The following RNF10 variants were observed in gnomAD, a reference collection of about 807,000 sequenced individuals.
RNF10 encodes ring finger protein 10.
Under a neutral mutation model 91.4 loss-of-function variants are expected in RNF10, and 38 were observed. The observed-to-expected ratio is 0.42, with a 90% CI of 0.32 to 0.54. The LOEUF is 0.54. RNF10 is among the 20% of genes least tolerant of loss of function. The pLI is 0.16. For synonymous variants in RNF10, 364 were observed against 366.3 expected (o/e 0.99, Z 0.07); for missense variants, 945 against 1,012.0 (o/e 0.93, Z 0.90).
chr12:120,548,294 T>TA (rs1872589407), intron 2 of RNF10, among the ~76,000 whole-genome samples: 1 of 152,136 alleles, frequency 6.6e-6, no homozygotes, highest in African/African-American at 2.4e-5. Context: ...AGTTGGTGCT[T>TA]AAAGCTGTGG....
At chr12:120,565,795 G>A (rs1276918585) in intron 12 of RNF10, among the ~76,000 whole-genome samples, 1 of 152,202 alleles carries the variant, frequency 6.6e-6, no homozygotes, top group African/African-American at 2.4e-5. Context: ...GGGAATTGGG[G>A]CTTCGCTAAG....
rs573811063 is a variant in RNF10 at position 120,545,427 on chromosome 12, C to T, written c.158-978C>T. Among the ~76,000 whole-genome samples the T allele has an allele frequency of 4.6e-5, 7 of 151,268 alleles. No homozygotes were observed. In the South Asian group the frequency reaches 8.3e-4, roughly 18 times the overall value. ...CAGGATGGTCTCAATCTCCTGACCTCGTGATCCGCCCACCTCGGCCTCCCA... is the reference window on the plus strand; with the variant it reads ...CAGGATGGTCTCAATCTCCTGACCTTGTGATCCGCCCACCTCGGCCTCCCA... On this transcript the variant is annotated intron_variant, in intron 1 of 16. Coordinates refer to ENST00000325954, the MANE Select transcript of RNF10 (RefSeq NM_014868.5).
intron 14 of RNF10, chr12:120,574,883 C>T (rs1178632634): frequency 9.8e-6 from 2 of 204,130 alleles, no homozygotes; most frequent in African/African-American, 2.4e-5. Flanking sequence ...CCAAGATTTG[C>T]GCCATTGCAC....
chr12:120,539,831 C>A (rs554137645), intron 1 of RNF10, among the ~76,000 whole-genome samples: 1 of 151,814 alleles, frequency 6.6e-6, no homozygotes, highest in Non-Finnish European at 1.5e-5. Flanking sequence ...ATCAGAATCT[C>A]CTCAGGAACT....
intron 6 of RNF10, among the ~76,000 whole-genome samples, chr12:120,560,247 G>A (rs1394042605): frequency 1.3e-5 from 2 of 150,734 alleles, no homozygotes; most frequent in African/African-American, 2.4e-5. Context: ...TGCCTCCTGG[G>A]TTCAAGCGAT....
chr12:120,539,436 C>T (rs920675858), intron 1 of RNF10: 46 of 1,288,548 alleles, frequency 3.6e-5, no homozygotes, highest in African/African-American at 4.6e-5. Context: ...TGTTGCCCCT[C>T]TGGAGGTGCT....
intron 2 of RNF10, among the ~76,000 whole-genome samples, chr12:120,551,100 C>T (rs11615264): frequency 0.15 from 23,247 of 151,502 alleles, 2,160 homozygotes; most frequent in African/African-American, 0.27. Flanking sequence ...ATCCTCCCAC[C>T]TCAGCCTTCC....
chr12:120,577,461 T>C lies in RNF10; in HGVS notation c.*795T>C, dbSNP rs1877539031. 1 of 261,314 alleles carries C rather than the reference T, an allele frequency of 3.8e-6. No homozygotes were observed. Among genetic ancestry groups the C allele is most frequent in the Admixed American group, 5.2e-5 (1 of 19,240 alleles). 16.2% of individuals were successfully genotyped at this position (261,314 alleles called of 1,614,324 possible). A position where few individuals can be genotyped will look rare whatever the true frequency, so the allele number is the denominator to read the frequency against. ...GCATTGCCACCATCTCCCTCTCATC[T>C]AGAGCAGTTTTCTTATGCCTTGGTT... is the stretch of plus-strand genomic sequence containing the variant. On this transcript the variant is annotated 3_prime_UTR_variant, in exon 17 of 17. Transcript: ENST00000325954.
intron 14 of RNF10, among the ~76,000 whole-genome samples, chr12:120,572,167 C>T (rs1007875081): frequency 9.5e-4 from 143 of 150,912 alleles, no homozygotes; most frequent in Non-Finnish European, 1.0e-3. Context: ...CCCGGGTTCA[C>T]GCCATTCTCC....
chr12:120,543,333 A>G (rs1265547924), intron 1 of RNF10, among the ~76,000 whole-genome samples: 2 of 152,146 alleles, frequency 1.3e-5, no homozygotes, highest in Non-Finnish European at 1.5e-5. Context: ...AACTGGCAAG[A>G]TTGAGAATCA....
At chr12:120,537,290 G>A (rs568804021) in intron 1 of RNF10, among the ~76,000 whole-genome samples, 2 of 151,998 alleles carry the variant, frequency 1.3e-5, no homozygotes, top group South Asian at 4.2e-4. Flanking sequence ...TCTAGCCTGG[G>A]TGGCAGAGTG....
intron 2 of RNF10, among the ~76,000 whole-genome samples, chr12:120,551,447 A>G (rs1043084312): frequency 6.6e-6 from 1 of 151,018 alleles, no homozygotes; most frequent in African/African-American, 2.4e-5. Flanking sequence ...GGCACCTGCC[A>G]CTGCACCCGG....
chr12:120,534,574 C>A lies in RNF10; in HGVS notation c.-238C>A. On this transcript the variant is annotated 5_prime_UTR_variant, in exon 1 of 17. Transcript: ENST00000325954. ...CAGCCTCCGCCCCGCCAGGCCCGGC[C>A]CGGACTCCCGAGCCCCGGCCTCCTC... 1.1e-6 allele frequency: 1 copy of A among 924,720 alleles called. No individual in the cohort carries two copies. The highest frequency in any genetic ancestry group is 1.4e-6 in the Non-Finnish European group (1 of 701,290). 57.3% of individuals were successfully genotyped at this position (924,720 alleles called of 1,614,324 possible).
chr12:120,551,408 C>T (rs986339044), intron 2 of RNF10, among the ~76,000 whole-genome samples: 3 of 146,736 alleles, frequency 2.0e-5, no homozygotes, highest in Non-Finnish European at 4.5e-5. Context: ...GATTCTCCTG[C>T]CTCAGCCTCC....
chr12:120,573,355 T>C (rs992078558), intron 14 of RNF10, among the ~76,000 whole-genome samples: 1 of 150,324 alleles, frequency 6.7e-6, no homozygotes, highest in African/African-American at 2.4e-5. Flanking sequence ...CCATATCCCC[T>C]TTTTTTTCCC....
rs940029252 is a variant in RNF10 at position 120,554,882 on chromosome 12, G to A, written c.645+74G>A. ...AAGGCACTGTGGTGACGCAGCAGCT[G>A]TTGGCTGTGTGCACTGCTTGATACC... On this transcript the variant is annotated intron_variant, in intron 4 of 16. Coordinates refer to ENST00000325954, the MANE Select transcript of RNF10 (RefSeq NM_014868.5). The A allele has an allele frequency of 3.9e-4, 468 of 1,188,740 alleles. 2 individuals carry two copies. The highest frequency in any genetic ancestry group is 9.3e-5 in the Non-Finnish European group (74 of 796,312). The allele number at this position is 1,188,740 out of a possible 1,614,324, so 73.6% of individuals were successfully genotyped here.
intron 8 of RNF10, 30 bp from the exon 9 acceptor site, chr12:120,563,316 CT>C (rs776850534): frequency 1.7e-5 from 27 of 1,584,968 alleles, no homozygotes; most frequent in Non-Finnish European, 2.3e-5. Flanking sequence ...AGGAGATATC[CT>C]TTCTGTTGAC....
intron 13 of RNF10, among the ~76,000 whole-genome samples, chr12:120,567,319 C>T (rs1316071725): frequency 7.6e-6 from 1 of 131,776 alleles, no homozygotes; most frequent in African/African-American, 2.6e-5. Flanking sequence ...TTTATTGTAG[C>T]ATCGTTTTAA....
chr12:120,556,370 T>TAA (rs528528148), intron 4 of RNF10, among the ~76,000 whole-genome samples: 1 of 143,220 alleles, frequency 7.0e-6, no homozygotes. Flanking sequence ...CCGTCTCTAC[T>TAA]AAAAAAAAAA....
Sources: allele counts gnomAD v4.1 joint callset (sites outside exome capture counted in the v4.1 genomes callset), GRCh38; gene constraint gnomAD v4.1.1; transcripts MANE v1.5; gene names NCBI Gene and HGNC (gene_info 2026-07-23, HGNC 2026-07-21).